PRKCB: variants seen among roughly 807,000 people sequenced by gnomAD.
PRKCB encodes the protein protein kinase C beta.
PRKCB carries 13 observed loss-of-function variants against 81.5 expected under a neutral mutation model. That is an observed-to-expected ratio of 0.16 (90% CI 0.10 to 0.25). The LOEUF is 0.25. PRKCB is among the 10% of genes least tolerant of loss of function. The probability of loss-of-function intolerance (pLI) is 1.00; values close to 1 mark genes in which losing one functional copy is unlikely to be tolerated. For synonymous variants in PRKCB, 335 were observed against 321.4 expected (o/e 1.04, Z -0.45); for missense variants, 509 against 875.7 (o/e 0.58, Z 5.29).
intron 2 of PRKCB, among the ~76,000 whole-genome samples, chr16:23,859,644 G>A (rs1030992206): frequency 2.0e-5 from 3 of 152,146 alleles, no homozygotes; most frequent in African/African-American, 7.2e-5. Context: ...AGAGGAAGCA[G>A]TGAAAGAGAG....
chr16:23,932,958 G>A (rs1039260879), intron 2 of PRKCB, among the ~76,000 whole-genome samples: 2 of 152,192 alleles, frequency 1.3e-5, no homozygotes, highest in African/African-American at 2.4e-5. Flanking sequence ...TCAGAATTAC[G>A]AGGATGCAGT....
chr16:24,100,364 G>C (rs894635888), intron 7 of PRKCB, among the ~76,000 whole-genome samples: 3 of 152,126 alleles, frequency 2.0e-5, no homozygotes, highest in Non-Finnish European at 4.4e-5. Flanking sequence ...GTCCCACCTA[G>C]CTTTGGGGCA....
intron 2 of PRKCB, among the ~76,000 whole-genome samples, chr16:23,874,568 CTT>C (rs58560122): frequency 5.3e-5 from 7 of 133,062 alleles, no homozygotes; most frequent in Middle Eastern, 8.1e-3. Flanking sequence ...ATTCTTCTCT[CTT>C]TTTTTTTTTT....
chr16:23,982,791 C>A (rs1423721365), intron 2 of PRKCB, among the ~76,000 whole-genome samples: 2 of 152,130 alleles, frequency 1.3e-5, no homozygotes, highest in African/African-American at 4.8e-5. Flanking sequence ...GAGCCGGAGA[C>A]ATCTTTTTCA....
At chr16:23,951,159 G>A (rs1431164395) in intron 2 of PRKCB, among the ~76,000 whole-genome samples, 2 of 152,206 alleles carry the variant, frequency 1.3e-5, no homozygotes, top group Non-Finnish European at 2.9e-5. Context: ...CACGTGGGAG[G>A]AAAGATGAAT....
At chr16:24,124,518 T>G (rs775618082) in intron 9 of PRKCB, among the ~76,000 whole-genome samples, 1 of 152,190 alleles carries the variant, frequency 6.6e-6, no homozygotes, top group Non-Finnish European at 1.5e-5. Context: ...TTGGAAAAGA[T>G]CACTCTGACA....
intron 2 of PRKCB, among the ~76,000 whole-genome samples, chr16:23,917,687 A>G (rs1291198575): frequency 1.3e-5 from 2 of 152,214 alleles, no homozygotes; most frequent in South Asian, 2.1e-4. Context: ...AGTTCTCCAG[A>G]TGGACCACAT....
intron 5 of PRKCB, among the ~76,000 whole-genome samples, chr16:24,092,003 G>A (rs559662405): frequency 6.6e-6 from 1 of 152,260 alleles, no homozygotes; most frequent in Admixed American, 6.5e-5. Flanking sequence ...CTTTTTGAAT[G>A]GAGGTAAAAT....
At chr16:24,051,677 C>T (rs1486543250) in intron 5 of PRKCB, among the ~76,000 whole-genome samples, 1 of 151,648 alleles carries the variant, frequency 6.6e-6, no homozygotes, top group Non-Finnish European at 1.5e-5. Flanking sequence ...AGTTTGAGAC[C>T]AGTCTGGGCA....
At chr16:24,022,718 C>T (rs893198541) in intron 3 of PRKCB, among the ~76,000 whole-genome samples, 6 of 152,212 alleles carry the variant, frequency 3.9e-5, no homozygotes, top group Non-Finnish European at 8.8e-5. Context: ...TGGTCTCGAT[C>T]TCCTGACCTC....
chr16:23,873,602 T>C (rs903709696), intron 2 of PRKCB, among the ~76,000 whole-genome samples: 3 of 152,176 alleles, frequency 2.0e-5, no homozygotes, highest in African/African-American at 7.2e-5. Flanking sequence ...ACTTCCCAAC[T>C]GGGACAGATA....
intron 9 of PRKCB, among the ~76,000 whole-genome samples, chr16:24,129,729 C>CATT (rs1966850568): frequency 7.0e-6 from 1 of 143,090 alleles, no homozygotes; most frequent in Admixed American, 7.0e-5. Flanking sequence ...AATCAATCAT[C>CATT]TATCTGTCGT....
intron 3 of PRKCB, among the ~76,000 whole-genome samples, chr16:24,025,523 A>G (rs12928621): frequency 0.41 from 62,121 of 152,100 alleles, 12,999 homozygotes; most frequent in South Asian, 0.62. Flanking sequence ...TTATGCCCTG[A>G]GAGTATAATG....
intron 16 of PRKCB, among the ~76,000 whole-genome samples, chr16:24,200,382 C>T (rs1967939767): frequency 6.6e-6 from 1 of 152,180 alleles, no homozygotes; most frequent in South Asian, 2.1e-4. Flanking sequence ...CACCTATCTA[C>T]ACACCCATGG....
intron 7 of PRKCB, among the ~76,000 whole-genome samples, chr16:24,101,261 G>A (rs912012801): frequency 3.3e-5 from 5 of 152,278 alleles, no homozygotes; most frequent in South Asian, 2.1e-4. Context: ...AAAGTTAAAC[G>A]AATGGCCAGG....
intron 8 of PRKCB, among the ~76,000 whole-genome samples, chr16:24,121,596 T>G (rs1246158599): frequency 6.6e-6 from 1 of 152,128 alleles, no homozygotes; most frequent in African/African-American, 2.4e-5. Flanking sequence ...AGGCTGGTCT[T>G]GAACTCCTGG....
Position 24,217,466 on chromosome 16 carries a change from G to C in PRKCB, c.*2650G>C. 1.0e-6 allele frequency: 1 copy of C among 985,446 alleles called. No individual in the cohort carries two copies. Among genetic ancestry groups the C allele is most frequent in the Non-Finnish European group, 1.2e-6 (1 of 829,936 alleles). 61.0% of individuals were successfully genotyped at this position (985,446 alleles called of 1,614,324 possible). On this transcript the variant is annotated 3_prime_UTR_variant, in exon 17 of 17. Coordinates refer to ENST00000643927, the MANE Select transcript of PRKCB (RefSeq NM_002738.7). The stretch of plus-strand genomic sequence containing the variant: ...AATTAATAACCCTCCTTGGATGAGT[G>C]CTACTGTTTTCACATGGCTTCAGAT...
At chr16:23,903,729 C>A (rs1963517805) in intron 2 of PRKCB, among the ~76,000 whole-genome samples, 1 of 152,144 alleles carries the variant, frequency 6.6e-6, no homozygotes, top group Non-Finnish European at 1.5e-5. Flanking sequence ...GTTCCCACTG[C>A]CTGGAATACT....
chr16:23,988,367 C>A, intron 2 of PRKCB, 141 bp from the exon 3 acceptor site: 1 of 635,644 alleles, frequency 1.6e-6, no homozygotes, highest in Admixed American at 2.9e-5. Flanking sequence ...GCTGCAGAAG[C>A]TGACATTATT....
Sources: allele counts gnomAD v4.1 joint callset (sites outside exome capture counted in the v4.1 genomes callset), GRCh38; gene constraint gnomAD v4.1.1; transcripts MANE v1.5; gene names NCBI Gene and HGNC (gene_info 2026-07-23, HGNC 2026-07-21).